The following TRIP11 variants were observed in gnomAD, a reference collection of about 807,000 sequenced individuals.
The protein encoded by TRIP11 is thyroid hormone receptor interactor 11.
Under a neutral mutation model 223.1 loss-of-function variants are expected in TRIP11, and 148 were observed. The observed-to-expected ratio is 0.66, with a 90% CI of 0.58 to 0.76. TRIP11 has a LOEUF of 0.76. Ranked by LOEUF, TRIP11 falls within the 30% of genes least tolerant of loss-of-function variation. TRIP11 has a pLI of 0.00. For missense variants in TRIP11, 2,043 were observed against 2,222.0 expected (o/e 0.92, Z 1.62); for synonymous variants, 762 against 772.6 (o/e 0.99, Z 0.23).
At chr14:92,021,409 A>G (rs1038304806) in intron 4 of TRIP11, 147 bp downstream of exon 4, 3 of 783,638 alleles carry the variant, frequency 3.8e-6, no homozygotes, top group Non-Finnish European at 4.0e-6. Flanking sequence ...AAAAAAAGAA[A>G]GAAAGTCACT....
chr14:91,974,541 T>TC lies in TRIP11; in HGVS notation c.5574+85_5574+86insG, dbSNP rs559733200. On this transcript the variant is annotated intron_variant, in intron 19 of 20. Transcript: ENST00000267622. ...ATAAAAGGGTTGTATAAAATAATTT[T>TC]AAAAAAAAATCTGATTCTTTGCAAA... 1,113 of 1,124,836 alleles carry TC rather than the reference T, an allele frequency of 9.9e-4. 6 individuals carry two copies. In the African/African-American group the frequency reaches 0.015, roughly 15 times the overall value. 69.7% of individuals were successfully genotyped at this position (1,124,836 alleles called of 1,614,324 possible). A position where few individuals can be genotyped will look rare whatever the true frequency, so the allele number is the denominator to read the frequency against.
Position 92,039,541 on chromosome 14 carries a change from T to C in TRIP11, c.139+6A>G. ...AAGCCCTCCCTTCCCTCGCTCCAGC[T>C]GTTACCTTCCACTTCCTCCGTGCCC... is the stretch of plus-strand genomic sequence containing the variant. On this transcript the variant is annotated splice_donor_region_variant and intron_variant, in intron 1 of 20. Coordinates refer to ENST00000267622, the MANE Select transcript of TRIP11 (RefSeq NM_004239.4). 1.9e-6 allele frequency: 3 copies of C among 1,613,704 alleles called. No homozygotes were observed. Among genetic ancestry groups the C allele is most frequent in the Non-Finnish European group, 2.5e-6 (3 of 1,179,878 alleles).
rs34919898 is a variant in TRIP11, at chr14:92,004,262, C to T, written c.3714G>A (p.Glu1238=). The change falls in exon 11 of 21, where the codon GAG becomes GAA. Residue 1238 remains glutamate, a synonymous_variant. Coordinates refer to ENST00000267622, the MANE Select transcript of TRIP11 (RefSeq NM_004239.4). The part of the protein sequence containing the change: ...VMTTVQNMQH[E]SAQLQEELHQ... ...GAAGCTCTTCCTGAAGCTGGGCTGA[C>T]TCGTGTTGCATATTTTGTACTGTGG... The T allele has an allele frequency of 2.1e-3, 3,360 of 1,614,064 alleles. 38 individuals carry two copies. The African/African-American group carries it at 0.038, about 18-fold the overall frequency.
chr14:91,981,004 A>ATT (rs1411657307), intron 16 of TRIP11, among the ~76,000 whole-genome samples: 1,578 of 67,566 alleles, frequency 0.023, 55 homozygotes, highest in African/African-American at 0.1. Context: ...ATATATATAT[A>ATT]TATATATATT....
chr14:91,992,079 C>CAAA (rs3031548), intron 15 of TRIP11, among the ~76,000 whole-genome samples: 454 of 59,362 alleles, frequency 7.6e-3, no homozygotes, highest in Non-Finnish European at 8.6e-3. Context: ...AACGCCGTCT[C>CAAA]AAAAAAAAAA....
intron 2 of TRIP11, 127 bp downstream of exon 2, chr14:92,033,065 C>A: frequency 2.8e-6 from 2 of 711,916 alleles, no homozygotes; most frequent in South Asian, 1.7e-5. Flanking sequence ...AAAAAACAAT[C>A]AAAATTAAAC....
rs998673771 is a variant in TRIP11, at chr14:91,966,396, G to A, written c.*3277C>T. On this transcript the variant is annotated 3_prime_UTR_variant, in exon 21 of 21. Coordinates refer to ENST00000267622, the MANE Select transcript of TRIP11 (RefSeq NM_004239.4). ...AATTTTTGTGGATGGAAGATGTCTT[G>A]AATACTTCAATATGTGGAAAACTTC... is the stretch of plus-strand genomic sequence containing the variant. 1 of 186,264 alleles carries A rather than the reference G, an allele frequency of 5.4e-6. No homozygotes were observed. Among genetic ancestry groups the A allele is most frequent in the Non-Finnish European group, 1.1e-5 (1 of 88,226 alleles). The allele number at this position is 186,264 out of a possible 1,614,324, so 11.5% of individuals were successfully genotyped here.
At chr14:92,020,319 C>G (rs1042333160) in intron 4 of TRIP11, among the ~76,000 whole-genome samples, 3 of 151,730 alleles carry the variant, frequency 2.0e-5, no homozygotes, top group African/African-American at 4.8e-5. Context: ...CTTCTAGTCT[C>G]AAGCATTTCG....
At chr14:91,992,778 G>A (rs149498161) in intron 15 of TRIP11, among the ~76,000 whole-genome samples, 2,100 of 151,476 alleles carry the variant, frequency 0.014, 22 homozygotes, top group Non-Finnish European at 0.021. Context: ...GTGTGGTGGC[G>A]GGCACCTGTA....
chr14:92,019,070 A>C (rs1316350116), intron 4 of TRIP11, among the ~76,000 whole-genome samples: 1 of 152,082 alleles, frequency 6.6e-6, no homozygotes, highest in Admixed American at 6.6e-5. Flanking sequence ...GGGATAATAC[A>C]TATGGAAACA....
In TRIP11 at chr14:92,020,639, AT is replaced by A. The variant is rs559658662; in HGVS notation, c.588+916del. 2.0e-3 allele frequency among the ~76,000 whole-genome samples: 302 copies of A among 151,562 alleles called. 2 individuals carry two copies. The highest frequency in any genetic ancestry group is 5.0e-3 in the Admixed American group (76 of 15,232). On this transcript the variant is annotated intron_variant, in intron 4 of 20. Coordinates refer to ENST00000267622, the MANE Select transcript of TRIP11 (RefSeq NM_004239.4). Reference sequence around the variant, plus strand: ...TTCTTGGTTCAACCACAGCAACTCAATTTTTTTCCTCTCATGTTTTATTAAA... The same window carrying A: ...TTCTTGGTTCAACCACAGCAACTCAATTTTTTCCTCTCATGTTTTATTAAA...
At chr14:92,010,944 C>A (rs772044297) in intron 9 of TRIP11, 42 bp downstream of exon 9, 2 of 1,577,028 alleles carry the variant, frequency 1.3e-6, no homozygotes, top group African/African-American at 1.3e-5. Context: ...TGACCTGTTA[C>A]ACATACCATT....
At chr14:92,030,736 C>T (rs1015321436) in intron 2 of TRIP11, 1 of 152,052 alleles carries the variant, frequency 6.6e-6, no homozygotes, top group Non-Finnish European at 1.5e-5. Context: ...TTGATATGTT[C>T]ATATGTAGAA....
intron 1 of TRIP11, among the ~76,000 whole-genome samples, chr14:92,034,979 A>T (rs758498087): frequency 6.6e-6 from 1 of 151,358 alleles, no homozygotes; most frequent in Non-Finnish European, 1.5e-5. Flanking sequence ...AGAGCCCAGC[A>T]GTGTCAACAT....
At position 92,039,148 on chromosome 14, in the gene TRIP11, T is replaced by TAC. The variant is rs562069331; in HGVS notation, c.139+397_139+398dup. Among the ~76,000 whole-genome samples, 5 of 152,262 alleles carry TAC rather than the reference T, an allele frequency of 3.3e-5. No individual in the cohort carries two copies. In the South Asian group the frequency reaches 1.0e-3, roughly 32 times the overall value. On this transcript the variant is annotated intron_variant, in intron 1 of 20. Transcript: ENST00000267622. The stretch of plus-strand genomic sequence containing the variant: ...TTAAATTATGAGTTATTTCAACTGT[T>TAC]ACAAAAATAGAAAACAGATATACAA...
chr14:91,993,089 C>CA (rs911003525), intron 15 of TRIP11, among the ~76,000 whole-genome samples: 71 of 129,696 alleles, frequency 5.5e-4, no homozygotes, highest in South Asian at 9.7e-4. Flanking sequence ...TGTTATTATA[C>CA]AAAAAAAAAA....
chr14:92,003,769 CTTGT>C lies in TRIP11; in HGVS notation c.4203_4206del (p.Gln1402MetfsTer13). On this transcript the variant is annotated frameshift_variant, in exon 11 of 21. Transcript: ENST00000267622. LOFTEE classifies it high-confidence loss of function. ...TCCTTAAGTAACTTTTGCAAAACAT[CTTGT>C]TTCTCCTTTAGCTGCTTGATTTCTG... The C allele has an allele frequency of 6.2e-7, 1 of 1,614,150 alleles. No homozygotes were observed. The highest frequency in any genetic ancestry group is 8.5e-7 in the Non-Finnish European group (1 of 1,180,020).
chr14:92,015,643 T>C (rs2057026331), intron 6 of TRIP11, 53 bp downstream of exon 6: 3 of 1,458,836 alleles, frequency 2.1e-6, no homozygotes, highest in East Asian at 5.0e-5. Flanking sequence ...GGGCAACAGA[T>C]GGAGACTCCA....
chr14:92,025,532 T>A (rs994156196), intron 2 of TRIP11, 112 bp from the exon 3 acceptor site: 2 of 742,404 alleles, frequency 2.7e-6, no homozygotes, highest in Non-Finnish European at 4.5e-6. Flanking sequence ...ATGTCAAATA[T>A]AAAAGGTCTC....
Sources: gnomAD v4.1 joint callset for allele counts (sites outside exome capture counted in the v4.1 genomes callset) on GRCh38, gnomAD v4.1.1 for gene constraint, MANE v1.5 for transcripts, NCBI Gene and HGNC (gene_info 2026-07-23, HGNC 2026-07-21) for gene names.